Variants in CCDC171 observed in about 807,000 individuals in gnomAD.
CCDC171 encodes the protein coiled-coil domain containing 171.
A neutral mutation model predicts 168.2 loss-of-function variants in CCDC171; 177 were observed. The observed-to-expected ratio is 1.05, with a 90% CI of 0.93 to 1.19. CCDC171 has a LOEUF of 1.19. Among genes scored for constraint, CCDC171 ranks in the 50% most tolerant of loss-of-function variants. The probability of loss-of-function intolerance (pLI) is 0.00; values close to 1 mark genes in which losing one functional copy is unlikely to be tolerated. For missense variants in CCDC171, 1,991 were observed against 1,539.0 expected (o/e 1.29, Z -4.91); for synonymous variants, 687 against 540.8 (o/e 1.27, Z -3.75).
intron 4 of CCDC171, among the ~76,000 whole-genome samples, chr9:15,579,657 G>A (rs1375484958): frequency 6.6e-6 from 1 of 152,168 alleles, no homozygotes. Flanking sequence ...CTACATGGAT[G>A]ACTACTATAC....
At chr9:16,105,851 TG>T in the CCDC171 span, among the ~76,000 whole-genome samples, 1 of 152,240 alleles carries the variant, frequency 6.6e-6, no homozygotes, top group South Asian at 2.1e-4. Context: ...TGGGCATGTG[TG>T]TATGAGTTTG....
intron 25 of CCDC171, among the ~76,000 whole-genome samples, chr9:15,940,461 C>G (rs1181480805): frequency 6.6e-6 from 1 of 151,906 alleles, no homozygotes; most frequent in African/African-American, 2.4e-5. Context: ...ACAATAATTT[C>G]TTAATGGAAA....
intron 16 of CCDC171, among the ~76,000 whole-genome samples, chr9:15,741,146 A>T (rs1453762671): frequency 1.3e-5 from 2 of 152,154 alleles, no homozygotes; most frequent in Non-Finnish European, 2.9e-5. Flanking sequence ...ATGACATAAC[A>T]TTTACCATTT....
chr9:15,902,782 G>A (rs1821899760), intron 24 of CCDC171, among the ~76,000 whole-genome samples: 1 of 152,172 alleles, frequency 6.6e-6, no homozygotes, highest in African/African-American at 2.4e-5. Context: ...CCCTTTCCTA[G>A]TCAAAGAAAG....
At chr9:15,960,876 A>G (rs1161474259) in intron 25 of CCDC171, among the ~76,000 whole-genome samples, 2 of 152,164 alleles carry the variant, frequency 1.3e-5, no homozygotes, top group African/African-American at 2.4e-5. Flanking sequence ...CCTGGGGAGT[A>G]TAGAGCTTAT....
At chr9:15,754,191 A>G (rs2055944904) in intron 18 of CCDC171, among the ~76,000 whole-genome samples, 1 of 152,188 alleles carries the variant, frequency 6.6e-6, no homozygotes, top group African/African-American at 2.4e-5. Flanking sequence ...AATTTAGCAT[A>G]TGAATAACCT....
intron 20 of CCDC171, among the ~76,000 whole-genome samples, chr9:15,779,519 C>T (rs992864640): frequency 1.3e-5 from 2 of 152,100 alleles, no homozygotes; most frequent in South Asian, 2.1e-4. Context: ...GCCACCACGC[C>T]TGGCTAATTT....
intron 18 of CCDC171, among the ~76,000 whole-genome samples, chr9:15,755,206 G>A (rs1237481042): frequency 1.3e-5 from 2 of 152,070 alleles, no homozygotes; most frequent in Non-Finnish European, 2.9e-5. Flanking sequence ...TGTCCTTAAC[G>A]TGTTCATGTT....
At chr9:15,559,288 T>C (rs1024106126) in intron 1 of CCDC171, among the ~76,000 whole-genome samples, 9 of 152,136 alleles carry the variant, frequency 5.9e-5, no homozygotes, top group African/African-American at 1.2e-4. Context: ...TGGATATCCT[T>C]GTTAACTTTC....
chr9:15,661,658 T>C (rs370022355), intron 8 of CCDC171, among the ~76,000 whole-genome samples: 2 of 152,218 alleles, frequency 1.3e-5, no homozygotes, highest in Admixed American at 1.3e-4. Context: ...TAAACTACTG[T>C]TGAATATGTA....
At chr9:15,636,098 T>C (rs930341994) in intron 7 of CCDC171, among the ~76,000 whole-genome samples, 3 of 152,184 alleles carry the variant, frequency 2.0e-5, no homozygotes, top group Non-Finnish European at 4.4e-5. Flanking sequence ...TTTGGAGAAA[T>C]AGCTATTTAG....
chr9:15,765,438 G>A (rs552726608), intron 18 of CCDC171, among the ~76,000 whole-genome samples: 9 of 152,164 alleles, frequency 5.9e-5, no homozygotes, highest in Non-Finnish European at 8.8e-5. Context: ...AAAGGGATGG[G>A]ATCCAATGCA....
chr9:15,640,812 T>C (rs1484105741), intron 7 of CCDC171, among the ~76,000 whole-genome samples: 1 of 152,136 alleles, frequency 6.6e-6, no homozygotes, highest in African/African-American at 2.4e-5. Context: ...TACAAATACT[T>C]ATCAAATACT....
the CCDC171 span, among the ~76,000 whole-genome samples, chr9:16,097,319 G>A: frequency 6.6e-6 from 1 of 152,206 alleles, no homozygotes; most frequent in African/African-American, 2.4e-5. Context: ...AGGGTGGATG[G>A]TTATGGTTTG....
At chr9:15,659,461 C>T (rs925582270) in intron 8 of CCDC171, among the ~76,000 whole-genome samples, 124 of 152,058 alleles carry the variant, frequency 8.2e-4, no homozygotes, top group African/African-American at 2.7e-3. Flanking sequence ...GATTGTATAC[C>T]TATAATAGTA....
intron 18 of CCDC171, among the ~76,000 whole-genome samples, chr9:15,757,664 G>C (rs1332605439): frequency 6.6e-6 from 1 of 152,160 alleles, no homozygotes. Context: ...AGGTCTTCAC[G>C]GAAGCCCTTC....
At chr9:15,740,876 G>A (rs932390771) in intron 16 of CCDC171, among the ~76,000 whole-genome samples, 4 of 152,076 alleles carry the variant, frequency 2.6e-5, no homozygotes, top group South Asian at 4.1e-4. Flanking sequence ...ATTGTACTAC[G>A]TTTATCAATT....
intron 25 of CCDC171, among the ~76,000 whole-genome samples, chr9:15,952,147 C>G (rs908405586): frequency 1.3e-5 from 2 of 152,020 alleles, no homozygotes; most frequent in Admixed American, 1.3e-4. Context: ...TATTTTTTCC[C>G]CATTAAATGG....
chr9:15,915,489 A>G (rs1824370854), intron 24 of CCDC171, among the ~76,000 whole-genome samples: 1 of 152,060 alleles, frequency 6.6e-6, no homozygotes, highest in Non-Finnish European at 1.5e-5. Flanking sequence ...ACTTTACTGA[A>G]TTTATCAAAT....
Sources: gnomAD v4.1 joint callset for allele counts (sites outside exome capture counted in the v4.1 genomes callset) on GRCh38, gnomAD v4.1.1 for gene constraint, MANE v1.5 for transcripts, NCBI Gene and HGNC (gene_info 2026-07-23, HGNC 2026-07-21) for gene names.